The following COL21A1 variants were observed in gnomAD, a reference collection of about 807,000 sequenced individuals.
COL21A1 encodes the protein collagen alpha-1(XXI) chain.
Under a neutral mutation model 137.9 loss-of-function variants are expected in COL21A1, and 149 were observed. That is an observed-to-expected ratio of 1.08 (90% confidence interval 0.95 to 1.24). The LOEUF is 1.24. COL21A1 is among the 50% of genes most tolerant of loss of function. The pLI is 0.00. For missense variants in COL21A1, 1,167 were observed against 1,158.4 expected (o/e 1.01, Z -0.11); for synonymous variants, 456 against 391.5 (o/e 1.16, Z -1.95).
intron 1 of COL21A1, among the ~76,000 whole-genome samples, chr6:56,261,618 CT>C (rs1763279078): frequency 6.6e-6 from 1 of 152,180 alleles, no homozygotes; most frequent in Admixed American, 6.5e-5. Context: ...GCCTCTGGAA[CT>C]GTAAAAAGAT....
chr6:56,150,540 AC>A (rs1775229381), intron 10 of COL21A1, among the ~76,000 whole-genome samples: 2 of 151,366 alleles, frequency 1.3e-5, no homozygotes, highest in Admixed American at 6.6e-5. Context: ...ACACACACAC[AC>A]ACACACACAC....
intron 1 of COL21A1, among the ~76,000 whole-genome samples, chr6:56,358,662 AAATTGT>A (rs1765894360): frequency 6.6e-6 from 1 of 152,214 alleles, no homozygotes; most frequent in Admixed American, 6.5e-5. Flanking sequence ...GCTGGAATTT[AAATTGT>A]ATCAGAAGAA....
chr6:56,381,962 A>G (rs1478100598), intron 1 of COL21A1, among the ~76,000 whole-genome samples: 1 of 152,214 alleles, frequency 6.6e-6, no homozygotes, highest in East Asian at 1.9e-4. Context: ...CTCACCAGTA[A>G]TTTGACTTCA....
At chr6:56,344,153 T>A (rs1363395746) in intron 1 of COL21A1, among the ~76,000 whole-genome samples, 1 of 152,228 alleles carries the variant, frequency 6.6e-6, no homozygotes, top group Non-Finnish European at 1.5e-5. Context: ...GAAAGGATTA[T>A]TTTTCCTATA....
rs187910532 is a variant in COL21A1, at chr6:56,350,046, C to A, written c.-39+43925G>T. On this transcript the variant is annotated intron_variant, in intron 1 of 28. Transcript: ENST00000370819. ...TTCCCTTACTAATTAGCCACCAACT[C>A]CCGAAAGTCTGCTCAAAATGGCAGC... Among the ~76,000 whole-genome samples, 4 of 152,318 alleles carry A rather than the reference C, an allele frequency of 2.6e-5. No individual in the cohort carries two copies. In the East Asian group the frequency reaches 7.7e-4, roughly 29 times the overall value.
Position 56,176,132 on chromosome 6 carries a change from AT to A in COL21A1, c.640+3445del, listed in dbSNP as rs575947356. Among the ~76,000 whole-genome samples, 307 of 152,262 alleles carry A rather than the reference AT, an allele frequency of 2.0e-3. 1 individual carries two copies. Among genetic ancestry groups the A allele is most frequent in the African/African-American group, 7.3e-3 (302 of 41,570 alleles). On this transcript the variant is annotated intron_variant, in intron 3 of 29. Transcript: ENST00000244728. ...CACCATACACAAAAAACAACTCAAAATAAAGACTTAAACATAAGATCTGAAA... is the reference window on the plus strand; with the variant it reads ...CACCATACACAAAAAACAACTCAAAAAAAGACTTAAACATAAGATCTGAAA...
chr6:56,193,899 C>T (rs879418682), intron 1 of COL21A1, among the ~76,000 whole-genome samples: 4 of 152,028 alleles, frequency 2.6e-5, no homozygotes, highest in Admixed American at 1.3e-4. Context: ...GGACTACAGG[C>T]GTGCGACACC....
At chr6:56,381,267 A>G (rs978326358) in intron 1 of COL21A1, among the ~76,000 whole-genome samples, 21 of 152,292 alleles carry the variant, frequency 1.4e-4, no homozygotes, top group African/African-American at 4.6e-4. Flanking sequence ...TATATTTACT[A>G]TATGCCTCTG....
intron 1 of COL21A1, among the ~76,000 whole-genome samples, chr6:56,313,807 A>C (rs1026309252): frequency 1.3e-5 from 2 of 152,140 alleles, no homozygotes; most frequent in African/African-American, 4.8e-5. Context: ...TCCTTGATAG[A>C]AAGGGAACAG....
At position 56,164,325 on chromosome 6, in the gene COL21A1, A is replaced by G. The variant is rs528918413; in HGVS notation, c.1371+98T>C. ...TTAAACTCTATAAGAAATCAGATAG[A>G]AATTTCTCAACAGGATCAATGGTGA... On this transcript the variant is annotated intron_variant, in intron 9 of 29. Transcript: ENST00000244728. The G allele has an allele frequency of 8.2e-5, 67 of 814,224 alleles. No individual in the cohort carries two copies. In the African/African-American group the frequency reaches 1.1e-3, roughly 14 times the overall value. 50.4% of individuals were successfully genotyped at this position (814,224 alleles called of 1,614,324 possible).
In COL21A1 at chr6:56,098,656, A is replaced by T. The variant is rs867142943; in HGVS notation, c.1812+2816T>A. Among the ~76,000 whole-genome samples the T allele has an allele frequency of 3.4e-3, 69 of 20,324 alleles. 5 individuals are homozygous for T. Among genetic ancestry groups the T allele is most frequent in the South Asian group, 5.6e-3 (4 of 708 alleles). 13.3% of individuals were successfully genotyped at this position (20,324 alleles called of 152,430 possible). ...ATATATAAATATATATAAATATATA[A>T]ATATATATAAATATATATATAAATA... On this transcript the variant is annotated intron_variant, in intron 17 of 29. Coordinates refer to ENST00000244728, the MANE Select transcript of COL21A1 (RefSeq NM_030820.4).
At chr6:56,250,277 G>A (rs996027386), upstream of COL21A1, among the ~76,000 whole-genome samples, 2 of 152,194 alleles carry the variant, frequency 1.3e-5, no homozygotes, top group African/African-American at 4.8e-5. Flanking sequence ...GGTTTTAAAT[G>A]AATTAACATT....
chr6:56,097,871 C>CTATAAATATATAAATATA (rs1284409292), intron 17 of COL21A1, among the ~76,000 whole-genome samples: 1 of 41,744 alleles, frequency 2.4e-5, no homozygotes, highest in Non-Finnish European at 5.8e-5. Context: ...ATAAAAATAT[C>CTATAAATATATAAATATA]TATAAATATA....
chr6:56,320,149 A>G (rs536385805), intron 1 of COL21A1, among the ~76,000 whole-genome samples: 25 of 152,230 alleles, frequency 1.6e-4, no homozygotes, highest in African/African-American at 5.8e-4. Flanking sequence ...CTTATATATT[A>G]CAATAAATAG....
At chr6:56,148,080 C>G (rs1272726325) in intron 10 of COL21A1, among the ~76,000 whole-genome samples, 1 of 152,062 alleles carries the variant, frequency 6.6e-6, no homozygotes, top group Non-Finnish European at 1.5e-5. Context: ...AAACCAAATC[C>G]AACACTCCAA....
chr6:56,223,852 T>C (rs1781015647), intron 1 of COL21A1, among the ~76,000 whole-genome samples: 1 of 152,116 alleles, frequency 6.6e-6, no homozygotes, highest in African/African-American at 2.4e-5. Flanking sequence ...ATTAAGATTT[T>C]ACATTTTATT....
chr6:56,192,629 C>T (rs1465291270), intron 1 of COL21A1, among the ~76,000 whole-genome samples: 1 of 152,168 alleles, frequency 6.6e-6, no homozygotes, highest in African/African-American at 2.4e-5. Flanking sequence ...ATCAAAACCA[C>T]AATGAGATAC....
chr6:56,270,199 C>T (rs142242024), intron 1 of COL21A1, among the ~76,000 whole-genome samples: 340 of 152,290 alleles, frequency 2.2e-3, no homozygotes, highest in Non-Finnish European at 3.6e-3. Flanking sequence ...GTGATACCCA[C>T]AGGCTCAATG....
intron 17 of COL21A1, among the ~76,000 whole-genome samples, chr6:56,098,729 A>AAATATATATAAATATATATATT (rs1562194446): frequency 2.5e-5 from 3 of 119,258 alleles, no homozygotes; most frequent in African/African-American, 9.7e-5. Flanking sequence ...ATATATATAT[A>AAATATATATAAATATATATATT]TTTTGAGACG....
Sources: gnomAD v4.1 joint callset for allele counts (sites outside exome capture counted in the v4.1 genomes callset) on GRCh38, gnomAD v4.1.1 for gene constraint, MANE v1.5 for transcripts, NCBI Gene and HGNC (gene_info 2026-07-23, HGNC 2026-07-21) for gene names.